The following GALNTL6 variants were observed in gnomAD, a reference collection of about 807,000 sequenced individuals.
The protein encoded by GALNTL6 is polypeptide N-acetylgalactosaminyltransferase-like 6.
In GALNTL6, 46 loss-of-function variants were observed where a neutral mutation model predicts 73.7. That is an observed-to-expected ratio of 0.62 (90% confidence interval 0.49 to 0.80). The LOEUF is 0.80. GALNTL6 is among the 30% of genes least tolerant of loss of function. The pLI is 0.00. For synonymous variants in GALNTL6, 259 were observed against 263.7 expected (o/e 0.98, Z 0.17); for missense variants, 604 against 755.0 (o/e 0.80, Z 2.34).
At chr4:172,383,154 T>G (rs1408387617) in intron 5 of GALNTL6, among the ~76,000 whole-genome samples, 2 of 152,060 alleles carry the variant, frequency 1.3e-5, no homozygotes, top group East Asian at 3.9e-4. Context: ...AGCTTGTCAA[T>G]TTTTTTAGAA....
chr4:173,020,882 A>G (rs1244293385), intron 11 of GALNTL6, among the ~76,000 whole-genome samples: 1 of 152,096 alleles, frequency 6.6e-6, no homozygotes, highest in South Asian at 2.1e-4. Flanking sequence ...AGACTAGCCT[A>G]GCCAACATGG....
At chr4:172,905,409 T>TTTAA (rs1348908277) in intron 8 of GALNTL6, among the ~76,000 whole-genome samples, 1 of 152,170 alleles carries the variant, frequency 6.6e-6, no homozygotes, top group Non-Finnish European at 1.5e-5. Context: ...TGATTTAATA[T>TTTAA]TTAATTTTTT....
chr4:172,022,183 C>G (rs1741426863), intron 2 of GALNTL6, among the ~76,000 whole-genome samples: 1 of 151,930 alleles, frequency 6.6e-6, no homozygotes, highest in Non-Finnish European at 1.5e-5. Context: ...TGCAAGGTAC[C>G]TATCTGACAA....
intron 2 of GALNTL6, among the ~76,000 whole-genome samples, chr4:172,042,518 C>T (rs1023926040): frequency 6.6e-6 from 1 of 151,946 alleles, no homozygotes; most frequent in African/African-American, 2.4e-5. Context: ...TCAAACTTTT[C>T]ATATTCCCTC....
At chr4:172,996,568 G>C (rs1305970608) in intron 10 of GALNTL6, among the ~76,000 whole-genome samples, 1 of 152,142 alleles carries the variant, frequency 6.6e-6, no homozygotes, top group Non-Finnish European at 1.5e-5. Context: ...TAACTTAAAA[G>C]AAGAATTAAT....
At chr4:172,247,166 A>G (rs1737690616) in intron 3 of GALNTL6, among the ~76,000 whole-genome samples, 1 of 152,068 alleles carries the variant, frequency 6.6e-6, no homozygotes, top group Non-Finnish European at 1.5e-5. Context: ...GTCACATACA[A>G]GTTCTCTAAA....
intron 5 of GALNTL6, among the ~76,000 whole-genome samples, chr4:172,641,981 T>C (rs1364664431): frequency 1.3e-5 from 2 of 152,046 alleles, no homozygotes; most frequent in Admixed American, 1.3e-4. Flanking sequence ...GAAAGAGTGC[T>C]CAACAACACT....
intron 2 of GALNTL6, among the ~76,000 whole-genome samples, chr4:172,024,481 G>A (rs1741496038): frequency 6.6e-6 from 1 of 151,734 alleles, no homozygotes; most frequent in Non-Finnish European, 1.5e-5. Flanking sequence ...CTATATGATG[G>A]AAGATCTGAT....
At chr4:172,484,763 CCATTTA>C (rs1396872902) in intron 5 of GALNTL6, among the ~76,000 whole-genome samples, 1 of 152,070 alleles carries the variant, frequency 6.6e-6, no homozygotes, top group East Asian at 1.9e-4. Context: ...TTACTATTCT[CCATTTA>C]CACACAAAAC....
chr4:172,784,257 A>C (rs1447442223), intron 5 of GALNTL6, among the ~76,000 whole-genome samples: 1 of 152,204 alleles, frequency 6.6e-6, no homozygotes, highest in East Asian at 1.9e-4. Flanking sequence ...AAAAACCTGA[A>C]TCTTACATTT....
Position 172,153,298 on chromosome 4 carries a change from T to C in GALNTL6, c.139-76358T>C, listed in dbSNP as rs774865010. 1.7e-4 allele frequency among the ~76,000 whole-genome samples: 26 copies of C among 152,180 alleles called. 1 individual carries two copies. Among genetic ancestry groups the C allele is most frequent in the African/African-American group, 1.4e-4 (6 of 41,434 alleles). ...ACAAGTCTTTACACGAACTATGATA[T>C]TGCATCTCTGTGCTCAAAGAAAATG... On this transcript the variant is annotated intron_variant, in intron 2 of 12. Transcript: ENST00000506823.
At chr4:172,206,805 G>GGTTT (rs1736134048) in intron 2 of GALNTL6, among the ~76,000 whole-genome samples, 1 of 26,130 alleles carries the variant, frequency 3.8e-5, no homozygotes, top group African/African-American at 9.5e-5. Context: ...TTGTTTTTCT[G>GGTTT]TTTTTTTTGT....
At chr4:172,927,918 A>C (rs1480915035) in intron 8 of GALNTL6, among the ~76,000 whole-genome samples, 1 of 152,174 alleles carries the variant, frequency 6.6e-6, no homozygotes, top group African/African-American at 2.4e-5. Flanking sequence ...CCGATCCCCT[A>C]ATGGAAAGTT....
rs190269049 is a variant in GALNTL6 at position 172,480,155 on chromosome 4, A to T, written c.553+131466A>T. Among the ~76,000 whole-genome samples, 1,016 of 150,486 alleles carry T rather than the reference A, an allele frequency of 6.8e-3. 15 individuals are homozygous for T. The highest frequency in any genetic ancestry group is 0.023 in the African/African-American group (931 of 41,078). On this transcript the variant is annotated intron_variant, in intron 5 of 12. Coordinates refer to ENST00000506823, the MANE Select transcript of GALNTL6 (RefSeq NM_001034845.3). ...TGTCTCTACAAAATGTTTTTTTTTT[A>T]AATTAGTCAGATGTGGTGGCACATA...
At chr4:172,176,346 A>AAAAAAAAAAAAAAAAAAAAAAG (rs1463765997) in intron 2 of GALNTL6, among the ~76,000 whole-genome samples, 111 of 147,868 alleles carry the variant, frequency 7.5e-4, no homozygotes, top group Non-Finnish European at 1.6e-3. Context: ...TCAAAAAAAA[A>AAAAAAAAAAAAAAAAAAAAAAG]AAAAAAAAAA....
intron 2 of GALNTL6, among the ~76,000 whole-genome samples, chr4:172,166,029 TAAAC>T (rs1179670667): frequency 4.6e-5 from 7 of 152,170 alleles, no homozygotes; most frequent in Non-Finnish European, 8.8e-5. Flanking sequence ...CAAAATTAAA[TAAAC>T]AGTCTCATGT....
intron 3 of GALNTL6, among the ~76,000 whole-genome samples, chr4:172,236,003 C>T (rs184182591): frequency 7.2e-5 from 11 of 152,194 alleles, no homozygotes; most frequent in African/African-American, 2.4e-4. Context: ...TTTTTATGGC[C>T]GCATAGTATT....
chr4:172,373,494 T>C (rs1742902440), intron 5 of GALNTL6, among the ~76,000 whole-genome samples: 2 of 152,206 alleles, frequency 1.3e-5, no homozygotes, highest in South Asian at 4.1e-4. Flanking sequence ...AGCTTTTAAA[T>C]GTTTAACAAT....
At chr4:171,861,371 C>T (rs1310065324) in intron 2 of GALNTL6, among the ~76,000 whole-genome samples, 1 of 152,146 alleles carries the variant, frequency 6.6e-6, no homozygotes, top group East Asian at 1.9e-4. Flanking sequence ...GAAGTCACTA[C>T]CAGTATGATA....
Sources: allele counts gnomAD v4.1 joint callset (sites outside exome capture counted in the v4.1 genomes callset), GRCh38; gene constraint gnomAD v4.1.1; transcripts MANE v1.5; gene names NCBI Gene and HGNC (gene_info 2026-07-23, HGNC 2026-07-21).